The following NF1 variants were observed in gnomAD, a reference collection of about 807,000 sequenced individuals.
NF1 encodes the protein neurofibromin.
NF1 carries 122 observed loss-of-function variants against 325.7 expected under a neutral mutation model. The observed-to-expected ratio is 0.37, with a 90% CI of 0.32 to 0.44. The LOEUF (loss-of-function observed/expected upper bound fraction) is 0.44, where lower values mean the gene tolerates loss of function less well. NF1 is among the 20% of genes least tolerant of loss of function. The pLI is 1.00. For missense variants in NF1, 2,140 were observed against 3,415.4 expected, an observed-to-expected ratio of 0.63 and a Z score of 9.31; for synonymous variants, 1,091 against 1,186.0, an observed-to-expected ratio of 0.92 and a Z score of 1.65.
intron 57 of NF1, among the ~76,000 whole-genome samples, chr17:31,366,946 A>AT (rs2070535154): frequency 6.6e-6 from 1 of 152,088 alleles, no homozygotes; most frequent in Non-Finnish European, 1.5e-5. Context: ...ATTCTTGCTA[A>AT]TTTTTAAATC....
At chr17:31,319,978 A>T (rs1401348609) in intron 36 of NF1, among the ~76,000 whole-genome samples, 1 of 152,082 alleles carries the variant, frequency 6.6e-6, no homozygotes, top group Non-Finnish European at 1.5e-5. Context: ...GAAAATGTTG[A>T]ATTTCCGCTT....
chr17:31,105,125 C>T (rs1912737752), intron 1 of NF1, among the ~76,000 whole-genome samples: 1 of 151,630 alleles, frequency 6.6e-6, no homozygotes, highest in South Asian at 2.1e-4. Context: ...GTCTCAAACT[C>T]TTGGCCTCAA....
intron 36 of NF1, among the ~76,000 whole-genome samples, chr17:31,313,579 G>C (rs1052031508): frequency 1.3e-5 from 2 of 151,724 alleles, no homozygotes; most frequent in Non-Finnish European, 2.9e-5. Flanking sequence ...GGTGGTGGGC[G>C]CCTGTAATCC....
At chr17:31,366,238 A>T (rs1317992485) in intron 57 of NF1, among the ~76,000 whole-genome samples, 2 of 151,432 alleles carry the variant, frequency 1.3e-5, no homozygotes, top group East Asian at 1.9e-4. Context: ...CTGGCCTAAA[A>T]TTTTTTTTTA....
intron 38 of NF1, among the ~76,000 whole-genome samples, chr17:31,328,908 A>G (rs1470799659): frequency 6.6e-6 from 1 of 152,196 alleles, no homozygotes; most frequent in African/African-American, 2.4e-5. Context: ...GGTGTCTGTG[A>G]CACCTGTCCT....
chr17:31,212,810 T>TA (rs1491574135), intron 12 of NF1, among the ~76,000 whole-genome samples: 1 of 152,116 alleles, frequency 6.6e-6, no homozygotes, highest in African/African-American at 2.4e-5. Flanking sequence ...ACTTTTTTTT[T>TA]ATATGACTAG....
chr17:31,157,240 C>T (rs554870835), intron 2 of NF1, among the ~76,000 whole-genome samples: 14 of 152,198 alleles, frequency 9.2e-5, no homozygotes, highest in Admixed American at 3.9e-4. Flanking sequence ...CCGCCTGCCT[C>T]GGCCTCCCAA....
At chr17:31,300,590 C>G (rs1373395369) in intron 36 of NF1, among the ~76,000 whole-genome samples, 1 of 151,980 alleles carries the variant, frequency 6.6e-6, no homozygotes, top group African/African-American at 2.4e-5. Flanking sequence ...TTTGCTGTTA[C>G]GAATAATGCC....
At chr17:31,221,803 G>A (rs745815619) in intron 14 of NF1, 47 bp from the exon 15 acceptor site, 1 of 1,367,170 alleles carries the variant, frequency 7.3e-7, no homozygotes, top group Non-Finnish European at 1.0e-6. Flanking sequence ...TACCAAAAAT[G>A]TTTGAGTGAG....
intron 50 of NF1, 66 bp from the exon 51 acceptor site, chr17:31,352,191 G>A (rs2151576680): frequency 6.7e-7 from 1 of 1,495,724 alleles, no homozygotes; most frequent in Admixed American, 1.7e-5. Flanking sequence ...CCACTTGGAA[G>A]GAGCAAACGA....
chr17:31,343,634 C>T (rs1007276099), intron 48 of NF1, among the ~76,000 whole-genome samples: 3 of 152,032 alleles, frequency 2.0e-5, no homozygotes, highest in Non-Finnish European at 4.4e-5. Flanking sequence ...ATTTCCAATT[C>T]AAATATCAAA....
intron 39 of NF1, chr17:31,331,902 A>ATT (rs200131796): frequency 7.7e-5 from 4 of 51,868 alleles, no homozygotes; most frequent in Middle Eastern, 0.011. Context: ...ACCCTTCTCT[A>ATT]TTAAAAAAAA....
At position 31,202,091 on chromosome 17, in the gene NF1, C is replaced by T. The variant is rs143957589; in HGVS notation, c.1260+606C>T. Among the ~76,000 whole-genome samples the T allele has an allele frequency of 4.9e-3, 743 of 152,198 alleles. 6 individuals are homozygous for T. The highest frequency in any genetic ancestry group is 0.016 in the African/African-American group (677 of 41,538). On this transcript the variant is annotated intron_variant, in intron 11 of 57. Coordinates refer to ENST00000358273, the MANE Select transcript of NF1 (RefSeq NM_001042492.3). ...AAGTGAAATCATTAAAAGGTACTTG[C>T]GAAACCTTCAACTCTGTCTGATGTG... is the stretch of plus-strand genomic sequence containing the variant.
chr17:31,208,960 T>C (rs2066673515), intron 12 of NF1, among the ~76,000 whole-genome samples: 1 of 152,038 alleles, frequency 6.6e-6, no homozygotes, highest in African/African-American at 2.4e-5. Flanking sequence ...CAAATATATA[T>C]AATAAATGGT....
intron 5 of NF1, among the ~76,000 whole-genome samples, chr17:31,178,283 A>G (rs1321116629): frequency 2.0e-5 from 3 of 152,220 alleles, no homozygotes; most frequent in Non-Finnish European, 2.9e-5. Context: ...TCATAAGCGA[A>G]GGAGAAATAA....
intron 8 of NF1, among the ~76,000 whole-genome samples, chr17:31,198,526 T>C (rs1275220970): frequency 6.6e-6 from 1 of 152,176 alleles, no homozygotes. Context: ...GTCCAGGTTA[T>C]CCAAATTGTT....
chr17:31,175,674 C>T (rs2066009631), intron 5 of NF1, among the ~76,000 whole-genome samples: 1 of 152,202 alleles, frequency 6.6e-6, no homozygotes, highest in South Asian at 2.1e-4. Flanking sequence ...TATCCCTTAC[C>T]TCAGCCCCCA....
chr17:31,184,035 G>T (rs1327279630), intron 8 of NF1, among the ~76,000 whole-genome samples: 1 of 152,122 alleles, frequency 6.6e-6, no homozygotes, highest in Non-Finnish European at 1.5e-5. Flanking sequence ...GGTACAAGGA[G>T]TGTGGTTCTA....
chr17:31,237,656 C>CTTTTTTTTTTTT (rs34107657), intron 29 of NF1, among the ~76,000 whole-genome samples: 1 of 126,098 alleles, frequency 7.9e-6, no homozygotes, highest in Non-Finnish European at 1.7e-5. Context: ...CTCATGTCTA[C>CTTTTTTTTTTTT]TTTTTTTTTT....
Sources: allele counts gnomAD v4.1 joint callset (sites outside exome capture counted in the v4.1 genomes callset), GRCh38; gene constraint gnomAD v4.1.1; transcripts MANE v1.5; gene names NCBI Gene and HGNC (gene_info 2026-07-23, HGNC 2026-07-21).